The following CAB39L variants were observed in gnomAD, a reference collection of about 807,000 sequenced individuals.
CAB39L encodes the protein calcium binding protein 39 like.
In CAB39L, 23 loss-of-function variants were observed where a neutral mutation model predicts 39.1. The ratio of observed to expected loss-of-function variants is 0.59; its 90% CI spans 0.42 to 0.83. The LOEUF is 0.83. Among genes scored for constraint, CAB39L ranks in the 40% least tolerant of loss-of-function variants. The pLI is 0.00. For synonymous variants in CAB39L, 126 were observed against 137.2 expected, an observed-to-expected ratio of 0.92 and a Z score of 0.57; for missense variants, 366 against 391.9, an observed-to-expected ratio of 0.93 and a Z score of 0.56.
chr13:49,377,863 G>A (rs1157399054), intron 4 of CAB39L, among the ~76,000 whole-genome samples: 1 of 89,922 alleles, frequency 1.1e-5, no homozygotes, highest in Non-Finnish European at 2.2e-5. Context: ...AGTCTGGAAA[G>A]TGAGGAGCGT....
At chr13:49,439,125 G>A (rs980044934) in intron 1 of CAB39L, among the ~76,000 whole-genome samples, 2 of 151,790 alleles carry the variant, frequency 1.3e-5, no homozygotes, top group Non-Finnish European at 2.9e-5. Context: ...TACTTTCTGT[G>A]ATGTATATTC....
intron 1 of CAB39L, 39 bp from the exon 2 acceptor site, chr13:49,434,262 C>T: frequency 2.3e-6 from 1 of 427,844 alleles, no homozygotes; most frequent in Non-Finnish European, 4.6e-6. Flanking sequence ...GCTTTGGAGT[C>T]ACATCAATCT....
chr13:49,343,296 G>A (rs1002865553), intron 8 of CAB39L, among the ~76,000 whole-genome samples: 3 of 152,202 alleles, frequency 2.0e-5, no homozygotes, highest in Non-Finnish European at 4.4e-5. Flanking sequence ...CTCTGGTACT[G>A]TGCTGAAAAC....
intron 6 of CAB39L, chr13:49,351,136 A>C: frequency 3.0e-5 from 9 of 295,268 alleles, no homozygotes; most frequent in East Asian, 5.5e-5. Flanking sequence ...TCAAATATGA[A>C]CATGGTGACA....
intron 3 of CAB39L, among the ~76,000 whole-genome samples, chr13:49,397,820 A>T (rs892326226): frequency 5.3e-5 from 8 of 152,138 alleles, no homozygotes; most frequent in Non-Finnish European, 8.8e-5. Flanking sequence ...AACTATCATT[A>T]AAGCATTAGA....
intron 7 of CAB39L, among the ~76,000 whole-genome samples, chr13:49,345,826 C>T (rs1441544093): frequency 2.6e-5 from 4 of 151,808 alleles, no homozygotes; most frequent in Non-Finnish European, 5.9e-5. Flanking sequence ...GACTGGGTTC[C>T]CCACACTGCA....
intron 10 of CAB39L, among the ~76,000 whole-genome samples, chr13:49,325,046 C>T (rs1954457283): frequency 6.6e-6 from 1 of 152,082 alleles, no homozygotes. Context: ...TCAAACAGAG[C>T]CGTAAGTAAC....
intron 4 of CAB39L, among the ~76,000 whole-genome samples, chr13:49,378,126 C>T (rs1855301623): frequency 1.3e-5 from 1 of 75,468 alleles, no homozygotes; most frequent in African/African-American, 8.2e-5. Flanking sequence ...GCAACCACCC[C>T]GTCTGAGAAG....
At chr13:49,340,060 C>A (rs1216005539) in intron 8 of CAB39L, among the ~76,000 whole-genome samples, 1 of 152,172 alleles carries the variant, frequency 6.6e-6, no homozygotes, top group Non-Finnish European at 1.5e-5. Context: ...ATGTAAGTAG[C>A]CTTGCTGGTG....
intron 3 of CAB39L, among the ~76,000 whole-genome samples, chr13:49,388,897 T>A (rs1044355299): frequency 6.6e-6 from 1 of 152,146 alleles, no homozygotes; most frequent in Non-Finnish European, 1.5e-5. Flanking sequence ...AGCTATTTGG[T>A]CCGGGTTTCT....
At chr13:49,408,027 T>C (rs1956919048) in intron 3 of CAB39L, among the ~76,000 whole-genome samples, 1 of 152,100 alleles carries the variant, frequency 6.6e-6, no homozygotes, top group Admixed American at 6.6e-5. Context: ...AAACAGGCCA[T>C]GATCAGAACT....
At chr13:49,408,569 C>G (rs1456636379) in intron 3 of CAB39L, among the ~76,000 whole-genome samples, 1 of 152,166 alleles carries the variant, frequency 6.6e-6, no homozygotes, top group Non-Finnish European at 1.5e-5. Flanking sequence ...CGTAGTGGCT[C>G]ACCCCTGTAA....
At chr13:49,383,017 A>C (rs1956281563) in intron 3 of CAB39L, 76 bp from the exon 4 acceptor site, 6 of 584,238 alleles carry the variant, frequency 1.0e-5, no homozygotes, top group East Asian at 3.1e-5. Flanking sequence ...ATGTCTTATA[A>C]GTTTTCAATA....
At chr13:49,351,848 C>T (rs932985611) in intron 6 of CAB39L, among the ~76,000 whole-genome samples, 7 of 152,110 alleles carry the variant, frequency 4.6e-5, no homozygotes, top group African/African-American at 1.2e-4. Flanking sequence ...TGAGAATTCA[C>T]GAATGATTCC....
rs2138591567 is a variant in CAB39L at position 49,382,811 on chromosome 13, T to G, written c.100A>C (p.Lys34Gln). Residue 34 changes from lysine (K) to glutamine (Q), a missense_variant, in exon 4 of 11, where the codon AAG becomes CAG. By Grantham distance (53) the Lys-to-Gln change is moderately conservative. Transcript: ENST00000409308. ...NLAILEKQDK[K>Q]TDKASEEVSK... is the part of the protein sequence containing the mutation. ...GTTTTAGCTCTTACCTTGTCTGTCTTTTTGTCTTGCTTTTCCAAAATGGCC... is the reference window on the plus strand; with the variant it reads ...GTTTTAGCTCTTACCTTGTCTGTCTGTTTGTCTTGCTTTTCCAAAATGGCC... The G allele has an allele frequency of 1.2e-6, 2 of 1,602,802 alleles. No individual in the cohort carries two copies. Among genetic ancestry groups the G allele is most frequent in the East Asian group, 2.2e-5 (1 of 44,642 alleles).
chr13:49,419,522 G>A (rs539565401), intron 3 of CAB39L, among the ~76,000 whole-genome samples: 1 of 152,172 alleles, frequency 6.6e-6, no homozygotes, highest in Non-Finnish European at 1.5e-5. Context: ...AGGCTGCAGT[G>A]AGTCAAGATC....
At chr13:49,393,871 A>G (rs2138629647) in intron 3 of CAB39L, among the ~76,000 whole-genome samples, 1 of 152,094 alleles carries the variant, frequency 6.6e-6, no homozygotes, top group East Asian at 1.9e-4. Flanking sequence ...GAAAATTAGG[A>G]GGAAATGAAA....
chr13:49,380,081 C>T (rs537474012), intron 4 of CAB39L, among the ~76,000 whole-genome samples: 8 of 152,250 alleles, frequency 5.3e-5, no homozygotes, highest in African/African-American at 1.4e-4. Flanking sequence ...ACTTGTGATT[C>T]GCCCACCTCA....
rs900634963 is a variant in CAB39L at position 49,377,455 on chromosome 13, G to T, written c.112-324C>A. Among the ~76,000 whole-genome samples the T allele has an allele frequency of 3.8e-4, 36 of 94,142 alleles. 14 individuals carry two copies. Among genetic ancestry groups the T allele is most frequent in the African/African-American group, 2.1e-3 (35 of 16,872 alleles). 61.8% of individuals were successfully genotyped at this position (94,142 alleles called of 152,430 possible). On this transcript the variant is annotated intron_variant, in intron 4 of 10. Coordinates refer to ENST00000409308, the MANE Select transcript of CAB39L (RefSeq NM_001079670.3). ...CACGGTCTCCCTCTCATGCGGAGCCGAAGCTGGACTGTACTGCTGCCATCT... is the reference window on the plus strand; with the variant it reads ...CACGGTCTCCCTCTCATGCGGAGCCTAAGCTGGACTGTACTGCTGCCATCT...
Sources: gnomAD v4.1 joint callset for allele counts (sites outside exome capture counted in the v4.1 genomes callset) on GRCh38, gnomAD v4.1.1 for gene constraint, MANE v1.5 for transcripts, NCBI Gene and HGNC (gene_info 2026-07-23, HGNC 2026-07-21) for gene names.